The following NUP62CL variants were observed in gnomAD, a reference collection of about 807,000 sequenced individuals.
The protein encoded by NUP62CL is nucleoporin-62 C-terminal-like protein.
NUP62CL carries 13 observed loss-of-function variants against 15.3 expected under a neutral mutation model. The observed-to-expected ratio is 0.85, with a 90% CI of 0.55 to 1.35. NUP62CL has a LOEUF of 1.35. Ranked by LOEUF, NUP62CL falls within the 40% of genes most tolerant of loss-of-function variation. The probability of loss-of-function intolerance (pLI) is 0.00; values close to 1 mark genes in which losing one functional copy is unlikely to be tolerated. For synonymous variants in NUP62CL, 54 were observed against 49.2 expected (o/e 1.10, Z -0.41); for missense variants, 123 against 130.6 (o/e 0.94, Z 0.28).
At chrX:107,137,057 T>G (rs779230604) in intron 8 of NUP62CL, among the ~76,000 whole-genome samples, 2 of 112,050 alleles carry the variant, frequency 1.8e-5, no homozygotes, top group African/African-American at 6.5e-5. Flanking sequence ...AGAGTGAAAC[T>G]CTGTCTCAAA....
At chrX:107,188,787 T>C (rs1927135877) in intron 2 of NUP62CL, among the ~76,000 whole-genome samples, 2 of 111,426 alleles carry the variant, frequency 1.8e-5, no homozygotes, top group South Asian at 7.5e-4. Context: ...AAGATAGACA[T>C]ACAAAATCAA....
chrX:107,139,867 AAG>A (rs1028874052), intron 8 of NUP62CL, among the ~76,000 whole-genome samples: 1 of 111,835 alleles, frequency 8.9e-6, no homozygotes, highest in Non-Finnish European at 1.9e-5. Context: ...AAGAGGATGA[AAG>A]AGAGAATACT....
intron 1 of NUP62CL, among the ~76,000 whole-genome samples, chrX:107,199,297 A>C (rs945748127): frequency 8.9e-6 from 1 of 112,053 alleles, no homozygotes; most frequent in Non-Finnish European, 1.9e-5. Flanking sequence ...ACCGGACACT[A>C]TTCTTCTATT....
chrX:107,197,577 T>C (rs1927385582), intron 1 of NUP62CL, among the ~76,000 whole-genome samples: 1 of 109,133 alleles, frequency 9.2e-6, no homozygotes, highest in Non-Finnish European at 1.9e-5. Context: ...ACAGTCTCTC[T>C]TGGGTGACTC....
chrX:107,183,733 C>T (rs1489239033), intron 2 of NUP62CL, among the ~76,000 whole-genome samples: 1 of 111,081 alleles, frequency 9.0e-6, no homozygotes, highest in Non-Finnish European at 1.9e-5. Flanking sequence ...AACTTTTAGA[C>T]AATAACCACT....
At chrX:107,188,167 C>T (rs957138237) in intron 2 of NUP62CL, among the ~76,000 whole-genome samples, 1 of 111,855 alleles carries the variant, frequency 8.9e-6, no homozygotes, top group East Asian at 2.8e-4. Flanking sequence ...AAGAAAACTG[C>T]GGACCAATAT....
chrX:107,127,109 A>T (rs1287553785), intron 8 of NUP62CL, among the ~76,000 whole-genome samples: 1 of 112,048 alleles, frequency 8.9e-6, no homozygotes, highest in African/African-American at 3.2e-5. Flanking sequence ...CAATGAAATG[A>T]TACACAGCAA....
intron 3 of NUP62CL, among the ~76,000 whole-genome samples, chrX:107,174,530 A>G (rs1926740121): frequency 9.0e-6 from 1 of 111,313 alleles, no homozygotes; most frequent in Admixed American, 9.5e-5. Flanking sequence ...TTACGAGATA[A>G]TGTCTCACCT....
chrX:107,169,131 A>G (rs1687905770), intron 3 of NUP62CL, among the ~76,000 whole-genome samples: 1 of 111,693 alleles, frequency 9.0e-6, no homozygotes, highest in African/African-American at 3.3e-5. Flanking sequence ...ATCTGACTCT[A>G]GGCAGATACT....
intron 4 of NUP62CL, among the ~76,000 whole-genome samples, chrX:107,155,803 C>G (rs964955586): frequency 1.8e-5 from 2 of 112,749 alleles, no homozygotes; most frequent in Non-Finnish European, 3.8e-5. Context: ...GGAACAGCTC[C>G]GGTCTACAGC....
At chrX:107,131,668 T>C (rs1364557359) in intron 8 of NUP62CL, 8 of 623,454 alleles carry the variant, frequency 1.3e-5, no homozygotes, top group Non-Finnish European at 2.1e-5. Flanking sequence ...ATCTGGAGGA[T>C]GGAGAAGAGG....
chrX:107,150,862 A>C (rs753285082), intron 7 of NUP62CL: 5 of 341,148 alleles, frequency 1.5e-5, no homozygotes, highest in African/African-American at 1.1e-4. Context: ...ACACCGGATC[A>C]GTAGTGTCAG....
At chrX:107,189,947 G>T (rs1055418739) in intron 2 of NUP62CL, among the ~76,000 whole-genome samples, 1 of 84,839 alleles carries the variant, frequency 1.2e-5, no homozygotes, top group African/African-American at 5.2e-5. Flanking sequence ...GAAAGAAAGA[G>T]AATCGATACA....
At chrX:107,149,179 T>A (rs1459051331) in intron 7 of NUP62CL, among the ~76,000 whole-genome samples, 1 of 111,730 alleles carries the variant, frequency 9.0e-6, no homozygotes, top group Non-Finnish European at 1.9e-5. Context: ...AGAATTATAG[T>A]CTCCTTTTAG....
At chrX:107,170,337 A>G (rs965543960) in intron 3 of NUP62CL, among the ~76,000 whole-genome samples, 1 of 110,803 alleles carries the variant, frequency 9.0e-6, no homozygotes, top group Non-Finnish European at 1.9e-5. Flanking sequence ...ATATGCATGT[A>G]CGAATTGTTT....
chrX:107,170,758 T>A (rs1372813346), intron 3 of NUP62CL, among the ~76,000 whole-genome samples: 1 of 112,126 alleles, frequency 8.9e-6, no homozygotes, highest in African/African-American at 3.2e-5. Context: ...TTTCATGCTA[T>A]TTTTAAAGGC....
chrX:107,142,429 G>A (rs1380757316), intron 8 of NUP62CL, among the ~76,000 whole-genome samples: 2 of 111,860 alleles, frequency 1.8e-5, no homozygotes, highest in East Asian at 5.6e-4. Context: ...AATGTTGTGA[G>A]CAGCTATTAA....
intron 2 of NUP62CL, among the ~76,000 whole-genome samples, chrX:107,184,327 GAAAGAAA>G (rs1352525661): frequency 9.8e-6 from 1 of 102,006 alleles, no homozygotes; most frequent in Non-Finnish European, 2.0e-5. Context: ...AAGAAAGAAA[GAAAGAAA>G]GAAAGAAAGA....
chrX:107,198,384 G>A (rs375562195), intron 1 of NUP62CL, among the ~76,000 whole-genome samples: 30 of 111,744 alleles, frequency 2.7e-4, no homozygotes, highest in Middle Eastern at 9.3e-3. Flanking sequence ...CTGGCCACCC[G>A]AGCCAGGAGC....
Sources: gnomAD v4.1 joint callset for allele counts (sites outside exome capture counted in the v4.1 genomes callset) on GRCh38, gnomAD v4.1.1 for gene constraint, MANE v1.5 for transcripts, NCBI Gene and HGNC (gene_info 2026-07-23, HGNC 2026-07-21) for gene names.